The following XPO5 variants were observed in gnomAD, a reference collection of about 807,000 sequenced individuals.
XPO5 encodes exportin-5.
In XPO5, 46 loss-of-function variants were observed where a neutral mutation model predicts 160.6. The observed-to-expected ratio is 0.29, with a 90% CI of 0.23 to 0.37. The LOEUF (loss-of-function observed/expected upper bound fraction) is 0.37. XPO5 is among the 10% of genes least tolerant of loss of function. The probability of loss-of-function intolerance (pLI) is 1.00; values close to 1 mark genes in which losing one functional copy is unlikely to be tolerated. For missense variants in XPO5, 1,090 were observed against 1,463.9 expected (o/e 0.74, Z 4.17); for synonymous variants, 537 against 519.3 (o/e 1.03, Z -0.46).
chr6:43,536,712 G>T (rs1351463876), intron 20 of XPO5, among the ~76,000 whole-genome samples: 1 of 126,296 alleles, frequency 7.9e-6, no homozygotes, highest in Non-Finnish European at 1.6e-5. Context: ...GTGAGCCAAG[G>T]TCGCGCCACT....
chr6:43,559,916 G>A (rs889163471), intron 11 of XPO5, among the ~76,000 whole-genome samples: 1 of 152,066 alleles, frequency 6.6e-6, no homozygotes, highest in Non-Finnish European at 1.5e-5. Flanking sequence ...CCCAAGCTCA[G>A]GTGATCCTCC....
intron 20 of XPO5, among the ~76,000 whole-genome samples, chr6:43,537,665 TA>T (rs1246972234): frequency 6.6e-6 from 1 of 151,638 alleles, no homozygotes; most frequent in East Asian, 1.9e-4. Context: ...ATAACAAAAA[TA>T]AAGGAAAGTA....
intron 7 of XPO5, 59 bp downstream of exon 7, chr6:43,567,110 A>C: frequency 6.7e-7 from 1 of 1,499,934 alleles, no homozygotes; most frequent in Non-Finnish European, 8.9e-7. Context: ...CATGCAATTA[A>C]ACACATACAC....
chr6:43,559,844 T>A (rs1762313311), intron 11 of XPO5, among the ~76,000 whole-genome samples: 1 of 152,102 alleles, frequency 6.6e-6, no homozygotes, highest in Non-Finnish European at 1.5e-5. Context: ...AGACAGGGTC[T>A]CACTCTCATT....
chr6:43,575,966 G>C lies in XPO5; in HGVS notation c.-102C>G. ...CACCCGTTGGTACCGGGCCGCGGCGGGCGGCGGGGGTGGGAAGCTGGAGGA... is the reference window on the plus strand; with the variant it reads ...CACCCGTTGGTACCGGGCCGCGGCGCGCGGCGGGGGTGGGAAGCTGGAGGA... On this transcript the variant is annotated 5_prime_UTR_variant, in exon 1 of 32. Coordinates refer to ENST00000265351, the MANE Select transcript of XPO5 (RefSeq NM_020750.3). The C allele has an allele frequency of 8.4e-7, 1 of 1,194,268 alleles. No homozygotes were observed. Among genetic ancestry groups the C allele is most frequent in the Non-Finnish European group, 1.2e-6 (1 of 837,184 alleles). 74.0% of individuals were successfully genotyped at this position (1,194,268 alleles called of 1,614,324 possible). A position where few individuals can be genotyped will look rare whatever the true frequency, so the allele number is the denominator to read the frequency against.
intron 30 of XPO5, 79 bp from the exon 31 acceptor site, chr6:43,524,714 TCA>T: frequency 1.3e-6 from 2 of 1,588,226 alleles, no homozygotes; most frequent in Non-Finnish European, 1.7e-6. Flanking sequence ...CACCCATTTC[TCA>T]GAGATTGCAC....
chr6:43,526,577 T>C, intron 27 of XPO5, 108 bp downstream of exon 27: 4 of 1,240,100 alleles, frequency 3.2e-6, no homozygotes, highest in South Asian at 2.6e-5. Context: ...GATAACTACA[T>C]GTAGGGTGTC....
Position 43,551,374 on chromosome 6 carries a change from C to T in XPO5, c.1652G>A (p.Cys551Tyr), listed in dbSNP as rs1795221276. The part of the protein sequence containing the change: ...FDTKDPLILS[C>Y]VLTNVSALFP... Reference sequence around the variant, plus strand: ...GAGTGCAGAGACATTAGTAAGGACGCAGGACAGGATGAGGGGATCCTTGGT... The same window carrying T: ...GAGTGCAGAGACATTAGTAAGGACGTAGGACAGGATGAGGGGATCCTTGGT... Residue 551 changes from cysteine to tyrosine, a missense_variant, in exon 15 of 32, where the codon TGC becomes TAC. Cys to Tyr is a radical substitution (Grantham distance 194). Transcript: ENST00000265351. The T allele has an allele frequency of 1.2e-6, 2 of 1,613,776 alleles. No individual in the cohort carries two copies. Among genetic ancestry groups the T allele is most frequent in the African/African-American group, 1.3e-5 (1 of 74,876 alleles).
intron 1 of XPO5, among the ~76,000 whole-genome samples, chr6:43,574,515 C>T (rs1763191732): frequency 6.6e-6 from 1 of 151,062 alleles, no homozygotes; most frequent in Non-Finnish European, 1.5e-5. Flanking sequence ...GAATAAAGAA[C>T]TGATAAACAT....
chr6:43,553,695 G>A (rs983742825), intron 13 of XPO5, 192 bp from the exon 14 acceptor site: 12 of 1,243,782 alleles, frequency 9.6e-6, no homozygotes, highest in African/African-American at 3.0e-5. Context: ...AAAGCAATGA[G>A]GTAGGTGAAG....
intron 20 of XPO5, among the ~76,000 whole-genome samples, chr6:43,537,680 A>G (rs566165543): frequency 6.6e-6 from 1 of 152,356 alleles, no homozygotes; most frequent in South Asian, 2.1e-4. Context: ...GAAAGTAGAC[A>G]AGATCAAACA....
intron 1 of XPO5, among the ~76,000 whole-genome samples, 178 bp downstream of exon 1, chr6:43,575,582 G>A (rs1763271962): frequency 6.6e-6 from 1 of 152,252 alleles, no homozygotes; most frequent in South Asian, 2.1e-4. Flanking sequence ...GCGGCGAGTA[G>A]AGAAGGCGGC....
chr6:43,523,825 G>A lies in XPO5; in HGVS notation c.*43C>T. 1 of 1,613,892 alleles carries A rather than the reference G, an allele frequency of 6.2e-7. No individual in the cohort carries two copies. Among genetic ancestry groups the A allele is most frequent in the East Asian group, 2.2e-5 (1 of 44,886 alleles). On this transcript the variant is annotated 3_prime_UTR_variant, in exon 32 of 32. Transcript: ENST00000265351. ...AGAGATCGGCTACAAAGGGAAAGAA[G>A]AGATGACAAGAAAGGCCGAGGAAGG...
intron 3 of XPO5, among the ~76,000 whole-genome samples, chr6:43,571,444 A>T (rs1435857110): frequency 6.8e-6 from 1 of 146,714 alleles, no homozygotes; most frequent in Admixed American, 6.7e-5. Flanking sequence ...TCTGTTATTT[A>T]AAAAAAACCA....
At chr6:43,573,658 G>T (rs551567339) in intron 1 of XPO5, 57 bp from the exon 2 acceptor site, 72 of 1,561,776 alleles carry the variant, frequency 4.6e-5, no homozygotes, top group Non-Finnish European at 6.2e-5. Context: ...GGGACTAAAA[G>T]AATTTCATCT....
chr6:43,544,198 C>T (rs780455449), intron 20 of XPO5: 5 of 164,604 alleles, frequency 3.0e-5, no homozygotes, highest in Admixed American at 3.0e-4. Flanking sequence ...CTGTTAGCCT[C>T]CTAAATGAAA....
At position 43,527,671 on chromosome 6, in the gene XPO5, C is replaced by A. The variant is rs368456733; in HGVS notation, c.2883G>T (p.Leu961=). The A allele has an allele frequency of 9.9e-6, 16 of 1,613,842 alleles. No individual in the cohort carries two copies. In the African/African-American group the frequency reaches 1.5e-4, roughly 15 times the overall value. The part of the protein sequence containing the change: ...PESQEMLEEQ[L]VRMLTREVMD... Reference sequence around the variant, plus strand: ...TGACTTCTCGGGTTAACATCCTCACCAGTTGCTCCTCCAGCATCTCTTGAG... The same window carrying A: ...TGACTTCTCGGGTTAACATCCTCACAAGTTGCTCCTCCAGCATCTCTTGAG... The change falls in exon 26 of 32, where the codon CTG becomes CTT. Residue 961 remains leucine (L), a synonymous_variant. Coordinates refer to ENST00000265351, the MANE Select transcript of XPO5 (RefSeq NM_020750.3).
chr6:43,546,790 GAAAA>G, intron 19 of XPO5, 38 bp from the exon 20 acceptor site: 2 of 1,174,046 alleles, frequency 1.7e-6, no homozygotes, highest in Non-Finnish European at 2.3e-6. Flanking sequence ...ATATTAAAAG[GAAAA>G]AAAAAAAAAG....
At chr6:43,549,359 C>T (rs1019468237) in intron 17 of XPO5, 130 bp downstream of exon 17, 12 of 890,270 alleles carry the variant, frequency 1.3e-5, no homozygotes, top group Middle Eastern at 3.7e-4. Flanking sequence ...CCACCATGCC[C>T]GGCCAAGGAT....
Sources: gnomAD v4.1 joint callset for allele counts (sites outside exome capture counted in the v4.1 genomes callset) on GRCh38, gnomAD v4.1.1 for gene constraint, MANE v1.5 for transcripts, NCBI Gene and HGNC (gene_info 2026-07-23, HGNC 2026-07-21) for gene names.